NAV3: variants seen among roughly 807,000 people sequenced by gnomAD.
NAV3 encodes the protein neuron navigator 3.
NAV3 carries 87 observed loss-of-function variants against 244.7 expected under a neutral mutation model. The ratio of observed to expected loss-of-function variants is 0.36; its 90% CI spans 0.30 to 0.42. NAV3 has a LOEUF of 0.42. NAV3 is among the 20% of genes least tolerant of loss of function. The pLI, the probability that NAV3 is intolerant of heterozygous loss-of-function variation, is 1.00. For missense variants in NAV3, 2,663 were observed against 2,893.3 expected, an observed-to-expected ratio of 0.92 and a Z score of 1.83; for synonymous variants, 1,126 against 1,042.2, an observed-to-expected ratio of 1.08 and a Z score of -1.55.
intron 1 of NAV3, among the ~76,000 whole-genome samples, chr12:77,868,831 A>G (rs182084710): frequency 9.2e-4 from 139 of 151,520 alleles, no homozygotes; most frequent in African/African-American, 3.1e-3. Flanking sequence ...GTACTTTGGG[A>G]GGCCAAGGCG....
intron 3 of NAV3, among the ~76,000 whole-genome samples, chr12:77,961,147 A>C (rs913982818): frequency 1.4e-5 from 2 of 145,962 alleles, no homozygotes; most frequent in African/African-American, 4.9e-5. Context: ...ATATATTACT[A>C]TATACATATG....
chr12:77,934,755 C>A (rs1487178755), intron 1 of NAV3, among the ~76,000 whole-genome samples: 1 of 152,132 alleles, frequency 6.6e-6, no homozygotes, highest in South Asian at 2.1e-4. Flanking sequence ...CTTTACAAAG[C>A]CAGTAATTTG....
intron 2 of NAV3, among the ~76,000 whole-genome samples, chr12:77,582,237 A>G (rs1002983209): frequency 5.3e-5 from 8 of 152,206 alleles, no homozygotes; most frequent in African/African-American, 1.9e-4. Flanking sequence ...GTGTTGTTAG[A>G]AGTATGTTTA....
intron 2 of NAV3, among the ~76,000 whole-genome samples, chr12:77,676,693 G>T (rs1167882556): frequency 6.6e-6 from 1 of 152,010 alleles, no homozygotes; most frequent in African/African-American, 2.4e-5. Flanking sequence ...ATCTAGGCAA[G>T]GGGGAGGGAG....
At chr12:77,629,919 C>T (rs892165541) in intron 2 of NAV3, among the ~76,000 whole-genome samples, 2 of 152,164 alleles carry the variant, frequency 1.3e-5, no homozygotes, top group South Asian at 2.1e-4. Flanking sequence ...CAAACAAATA[C>T]TACTACCAAC....
intron 2 of NAV3, among the ~76,000 whole-genome samples, chr12:77,708,886 C>T (rs1425905051): frequency 6.6e-6 from 1 of 152,128 alleles, no homozygotes; most frequent in African/African-American, 2.4e-5. Flanking sequence ...TATAAGAATG[C>T]TTGTGATTTT....
At chr12:77,578,528 C>T (rs1274795054) in intron 2 of NAV3, among the ~76,000 whole-genome samples, 1 of 152,164 alleles carries the variant, frequency 6.6e-6, no homozygotes, top group East Asian at 1.9e-4. Flanking sequence ...CTCAGGAAAC[C>T]TAAACTATGA....
intron 2 of NAV3, among the ~76,000 whole-genome samples, chr12:77,587,828 A>G (rs1222886669): frequency 6.6e-6 from 1 of 152,204 alleles, no homozygotes; most frequent in African/African-American, 2.4e-5. Flanking sequence ...TTTAAAGCCA[A>G]TGAAAACCTT....
At chr12:77,996,718 G>T (rs1429388840) in intron 6 of NAV3, among the ~76,000 whole-genome samples, 3 of 152,080 alleles carry the variant, frequency 2.0e-5, no homozygotes, top group African/African-American at 7.2e-5. Flanking sequence ...GTAACAACTG[G>T]ATTGTGAAAT....
At chr12:78,037,188 A>G (rs1441720764) in intron 9 of NAV3, 6 of 703,038 alleles carry the variant, frequency 8.5e-6, no homozygotes, top group Non-Finnish European at 1.0e-5. Context: ...GTCTGCAAGA[A>G]GAGGCTTGGA....
At position 77,797,561 on chromosome 12, in the gene NAV3, G is replaced by A. The variant is rs1384047928; in HGVS notation, c.73-142758G>A. ...TTTTTTTTTTTTTTAAAGTAGCTTAGGCCGGGCGTGGTGGCTCAGGCCTGT... is the reference window on the plus strand; with the variant it reads ...TTTTTTTTTTTTTTAAAGTAGCTTAAGCCGGGCGTGGTGGCTCAGGCCTGT... On this transcript the variant is annotated intron_variant, in intron 2 of 8. Transcript: ENST00000550042. Among the ~76,000 whole-genome samples the A allele has an allele frequency of 3.6e-5, 5 of 140,708 alleles. No individual in the cohort carries two copies. In the East Asian group the frequency reaches 1.0e-3, roughly 29 times the overall value. The allele number at this position is 140,708 out of a possible 152,430, so 92.3% of individuals were successfully genotyped here.
At chr12:78,152,436 G>T (rs1481473806) in intron 22 of NAV3, among the ~76,000 whole-genome samples, 1 of 151,420 alleles carries the variant, frequency 6.6e-6, no homozygotes, top group Non-Finnish European at 1.5e-5. Context: ...TTGTTCTTAA[G>T]GAAATAATCA....
rs745876219 is a variant in NAV3, at chr12:78,168,811, T to G, written c.4926T>G (p.Ser1642=). The G allele has an allele frequency of 6.2e-7, 1 of 1,610,842 alleles. No homozygotes were observed. Among genetic ancestry groups the G allele is most frequent in the Admixed American group, 1.7e-5 (1 of 59,730 alleles). ...ETIEMLKAQN[S]AAQAAIQGAL... ...TTGAAATGCTGAAGGCTCAGAATTC[T>G]GCTGCCCAGGCGGCTATTCAGGGAG... Residue 1642 remains serine (S), a synonymous_variant, in exon 24 of 40, where the codon TCT becomes TCG. Transcript: ENST00000397909.
rs368872477 is a variant in NAV3, at chr12:77,856,036, G to T, written c.243+24332G>T. On this transcript the variant is annotated intron_variant, in intron 1 of 39. Coordinates refer to ENST00000397909, the MANE Select transcript of NAV3 (RefSeq NM_001024383.2). ...TTATTTCCATGTAAGTCTGTTATTA[G>T]AATTTACTGTTTATATAGGCTGTAG... 1.7e-4 allele frequency among the ~76,000 whole-genome samples: 26 copies of T among 152,234 alleles called. No individual in the cohort carries two copies. In the South Asian group the frequency reaches 5.2e-3, roughly 30 times the overall value.
intron 7 of NAV3, among the ~76,000 whole-genome samples, chr12:78,001,803 C>T (rs570548590): frequency 1.8e-4 from 28 of 152,230 alleles, no homozygotes; most frequent in South Asian, 1.5e-3. Flanking sequence ...CGAAGTGGAA[C>T]GCGGAAACAT....
intron 9 of NAV3, among the ~76,000 whole-genome samples, chr12:78,040,753 T>G (rs1880717877): frequency 6.6e-6 from 1 of 152,174 alleles, no homozygotes; most frequent in Non-Finnish European, 1.5e-5. Context: ...AATATACTCC[T>G]TCTTTCATGA....
intron 1 of NAV3, among the ~76,000 whole-genome samples, chr12:77,901,071 G>A (rs1257197808): frequency 6.6e-6 from 1 of 152,124 alleles, no homozygotes; most frequent in Non-Finnish European, 1.5e-5. Flanking sequence ...ACTTTTTAAT[G>A]AGGTTATTTG....
At position 78,177,279 on chromosome 12, in the gene NAV3, T is replaced by C; in HGVS notation, c.5263T>C (p.Ser1755Pro). The stretch of plus-strand genomic sequence containing the variant: ...ACCCCATAATGCTGGTGACTGTGGC[T>C]CAGCATCCATGAAGCCCTCACAATC... ...KLPHNAGDCG[S>P]ASMKPSQSAS... Residue 1755 changes from serine (S) to proline (P), a missense_variant, in exon 27 of 40, where the codon TCA (serine) becomes CCA (proline). Transcript: ENST00000397909. The C allele has an allele frequency of 1.9e-6, 3 of 1,613,382 alleles. No individual in the cohort carries two copies. Among genetic ancestry groups the C allele is most frequent in the Non-Finnish European group, 2.5e-6 (3 of 1,179,606 alleles).
At chr12:78,120,950 T>C (rs900197739) in intron 15 of NAV3, among the ~76,000 whole-genome samples, 8 of 152,222 alleles carry the variant, frequency 5.3e-5, no homozygotes, top group African/African-American at 1.9e-4. Flanking sequence ...TCCGTAGTAA[T>C]ATTAATGCTG....
Sources: gnomAD v4.1 joint callset for allele counts (sites outside exome capture counted in the v4.1 genomes callset) on GRCh38, gnomAD v4.1.1 for gene constraint, MANE v1.5 for transcripts, NCBI Gene and HGNC (gene_info 2026-07-23, HGNC 2026-07-21) for gene names.